GYPB: variants seen among roughly 807,000 people sequenced by gnomAD.
GYPB encodes glycophorin-B.
GYPB carries 13 observed loss-of-function variants against 15.3 expected under a neutral mutation model. The observed-to-expected ratio is 0.85, with a 90% confidence interval of 0.55 to 1.35. The LOEUF is 1.35. Among genes scored for constraint, GYPB ranks in the 40% most tolerant of loss-of-function variants. The pLI is 0.00. For synonymous variants in GYPB, 38 were observed against 36.9 expected (o/e 1.03, Z -0.11); for missense variants, 131 against 108.3 (o/e 1.21, Z -0.93).
chr4:144,003,112 G>T (rs1489757577), intron 1 of GYPB, among the ~76,000 whole-genome samples: 1 of 151,436 alleles, frequency 6.6e-6, no homozygotes, highest in Non-Finnish European at 1.5e-5. Context: ...ATTACAGAAA[G>T]ACATTTTTAT....
At chr4:144,016,638 T>G (rs572360652) in intron 1 of GYPB, among the ~76,000 whole-genome samples, 16 of 151,470 alleles carry the variant, frequency 1.1e-4, no homozygotes, top group African/African-American at 3.7e-4. Flanking sequence ...ATGCAAATTT[T>G]ATATGAATTT....
At chr4:143,996,586 G>A (rs6857129) in intron 4 of GYPB, among the ~76,000 whole-genome samples, 104,011 of 150,028 alleles carry the variant, frequency 0.69, 36,838 homozygotes, top group East Asian at 0.95. Context: ...CCAACACAGC[G>A]AAACCCCATC....
intron 2 of GYPB, chr4:144,000,439 G>A (rs1485611100): frequency 1.9e-5 from 22 of 1,173,482 alleles, no homozygotes; most frequent in African/African-American, 6.8e-5. Flanking sequence ...AACTTCATTA[G>A]CAGTATGAGC....
At chr4:144,006,666 A>T (rs534231636) in intron 1 of GYPB, among the ~76,000 whole-genome samples, 34 of 152,090 alleles carry the variant, frequency 2.2e-4, no homozygotes, top group Non-Finnish European at 4.9e-4. Context: ...CAGCTGAAAG[A>T]AGCCTTATCT....
At chr4:144,008,310 A>G (rs1579061206) in intron 1 of GYPB, 2 of 445,192 alleles carry the variant, frequency 4.5e-6, no homozygotes, top group East Asian at 1.4e-4. Flanking sequence ...TTCTCACCAA[A>G]TTATAATGCA....
At chr4:144,017,393 C>T (rs757026575) in intron 1 of GYPB, among the ~76,000 whole-genome samples, 1 of 150,196 alleles carries the variant, frequency 6.7e-6, no homozygotes, top group Non-Finnish European at 1.5e-5. Flanking sequence ...GTTTAGTCTT[C>T]GGCTAATCAG....
rs182044483 is a variant in GYPB at position 144,003,854 on chromosome 4, T to C, written c.38-2571A>G. 2.0e-4 allele frequency among the ~76,000 whole-genome samples: 30 copies of C among 151,530 alleles called. 2 individuals are homozygous for C. Among genetic ancestry groups the C allele is most frequent in the African/African-American group, 7.1e-4 (29 of 40,792 alleles). ...GCTGGACTCAGACCCTAACACTGGC[T>C]TTAAAATGTGTCCTAAGTTAGACCA... is the stretch of plus-strand genomic sequence containing the variant. On this transcript the variant is annotated intron_variant, in intron 1 of 4. Coordinates refer to ENST00000502664, the MANE Select transcript of GYPB (RefSeq NM_002100.6).
downstream of GYPB, among the ~76,000 whole-genome samples, chr4:143,995,435 G>A (rs757125893): frequency 3.8e-4 from 57 of 151,240 alleles, no homozygotes; most frequent in Non-Finnish European, 6.6e-4. Context: ...GACTCCAAGG[G>A]TAAGGCAGTC....
intron 1 of GYPB, among the ~76,000 whole-genome samples, chr4:144,004,088 A>G (rs1727757856): frequency 6.6e-6 from 1 of 151,628 alleles, no homozygotes; most frequent in Admixed American, 6.6e-5. Flanking sequence ...TGGTGGCCAA[A>G]TTGATTTGAG....
chr4:144,005,616 A>G lies in GYPB; in HGVS notation c.38-4333T>C, dbSNP rs1468437189. 2.6e-5 allele frequency among the ~76,000 whole-genome samples: 4 copies of G among 151,492 alleles called. No individual in the cohort carries two copies. The South Asian group carries it at 6.2e-4, about 24-fold the overall frequency. ...TGAGAGTCAGTTTCTTAACCCCTTC[A>G]CATCTTCTGGCAGGAACACATCCAG... On this transcript the variant is annotated intron_variant, in intron 1 of 4. Coordinates refer to ENST00000502664, the MANE Select transcript of GYPB (RefSeq NM_002100.6).
rs1238271820 is a variant in GYPB at position 144,011,212 on chromosome 4, T to A, written c.37+8039A>T. ...CTGGGCAACACGGTGAAACCCCGTG[T>A]CTACTGAAATACAAAAAATTAACTG... On this transcript the variant is annotated intron_variant, in intron 1 of 4. Coordinates refer to ENST00000502664, the MANE Select transcript of GYPB (RefSeq NM_002100.6). 4.0e-5 allele frequency among the ~76,000 whole-genome samples: 6 copies of A among 151,160 alleles called. No individual in the cohort carries two copies. In the South Asian group the frequency reaches 1.2e-3, roughly 31 times the overall value.
At chr4:143,997,424 G>T (rs767338455) in intron 4 of GYPB, 116 bp downstream of exon 4, 24 of 656,700 alleles carry the variant, frequency 3.7e-5, no homozygotes, top group South Asian at 1.3e-4. Context: ...AGTTGAAAAA[G>T]ATGGAATTTT....
intron 1 of GYPB, among the ~76,000 whole-genome samples, chr4:144,015,912 A>G (rs1485876663): frequency 2.0e-5 from 3 of 151,170 alleles, no homozygotes; most frequent in Non-Finnish European, 2.9e-5. Flanking sequence ...ATGATTTTTC[A>G]TGGCTAAACT....
chr4:144,001,364 C>T, intron 1 of GYPB, 81 bp from the exon 2 acceptor site: 1 of 1,606,962 alleles, frequency 6.2e-7, no homozygotes, highest in Non-Finnish European at 8.5e-7. Flanking sequence ...AAGACAAATT[C>T]CTCTCACATC....
chr4:143,996,498 G>T (rs1727319276), intron 4 of GYPB, among the ~76,000 whole-genome samples, 194 bp from the exon 5 acceptor site: 1 of 151,182 alleles, frequency 6.6e-6, no homozygotes, highest in African/African-American at 2.5e-5. Context: ...GGGCGCAGTG[G>T]CTCACACCTG....
chr4:144,010,313 A>C lies in GYPB; in HGVS notation c.37+8938T>G, dbSNP rs375782408. On this transcript the variant is annotated intron_variant, in intron 1 of 4. Transcript: ENST00000502664. ...ACCCCATATTTACAAATTAAATAAC[A>C]AAAAAATTAGTCAGGTGTGGTTGAG... Among the ~76,000 whole-genome samples the C allele has an allele frequency of 7.9e-4, 120 of 151,324 alleles. 1 individual carries two copies. The highest frequency in any genetic ancestry group is 1.7e-3 in the South Asian group (8 of 4,816).
At chr4:144,003,428 T>C (rs1365335210) in intron 1 of GYPB, among the ~76,000 whole-genome samples, 1 of 151,218 alleles carries the variant, frequency 6.6e-6, no homozygotes, top group Non-Finnish European at 1.5e-5. Flanking sequence ...TTAACATTCC[T>C]TTGGTGGAGA....
intron 1 of GYPB, among the ~76,000 whole-genome samples, chr4:144,003,112 G>GAA (rs1198220384): frequency 1.3e-5 from 2 of 151,436 alleles, no homozygotes; most frequent in South Asian, 2.1e-4. Context: ...ATTACAGAAA[G>GAA]ACATTTTTAT....
intron 1 of GYPB, among the ~76,000 whole-genome samples, chr4:144,014,454 T>C (rs1467911595): frequency 4.6e-5 from 7 of 151,764 alleles, no homozygotes; most frequent in Admixed American, 2.6e-4. Flanking sequence ...GAATAACATT[T>C]ATTATAAAAG....
Sources: gnomAD v4.1 joint callset for allele counts (sites outside exome capture counted in the v4.1 genomes callset) on GRCh38, gnomAD v4.1.1 for gene constraint, MANE v1.5 for transcripts, NCBI Gene and HGNC (gene_info 2026-07-23, HGNC 2026-07-21) for gene names.